The following DSCC1 variants were observed in gnomAD, a reference collection of about 807,000 sequenced individuals.
DSCC1 encodes sister chromatid cohesion protein DCC1.
In DSCC1, 32 loss-of-function variants were observed where a neutral mutation model predicts 48.2. That is an observed-to-expected ratio of 0.66 (90% confidence interval 0.50 to 0.89). The LOEUF is 0.89. DSCC1 is among the 40% of genes least tolerant of loss of function. The probability of loss-of-function intolerance (pLI) is 0.00; values close to 1 mark genes in which losing one functional copy is unlikely to be tolerated. For synonymous variants in DSCC1, 150 were observed against 171.5 expected (o/e 0.87, Z 0.98); for missense variants, 421 against 471.7 (o/e 0.89, Z 1.00).
At chr8:119,847,389 A>T (rs530411141) in intron 3 of DSCC1, among the ~76,000 whole-genome samples, 1 of 152,324 alleles carries the variant, frequency 6.6e-6, no homozygotes, top group South Asian at 2.1e-4. Context: ...GCACTTCAAA[A>T]CACTATCACC....
At chr8:119,840,126 T>C (rs1276294948) in intron 7 of DSCC1, 1 of 152,170 alleles carries the variant, frequency 6.6e-6, no homozygotes, top group African/African-American at 2.4e-5. Flanking sequence ...ACTCCATAAA[T>C]ACCAAGCAAA....
Position 119,855,716 on chromosome 8 carries a change from T to G in DSCC1, c.80A>C (p.His27Pro). 1 of 1,568,500 alleles carries G rather than the reference T, an allele frequency of 6.4e-7. No individual in the cohort carries two copies. The highest frequency in any genetic ancestry group is 1.2e-5 in the South Asian group (1 of 85,820). ...LNAAELLPAV[H>P]CLGFGPGASG... The stretch of plus-strand genomic sequence containing the variant: ...GGCCCCAGGGCCGAAGCCCAGGCAG[T>G]GCACCGCCGGCAGCAGCTCGGCCGC... The change falls in exon 1 of 9, where the codon CAC becomes CCC. Residue 27 changes from histidine to proline, a missense_variant. His to Pro is a moderately conservative substitution (Grantham distance 77). Transcript: ENST00000313655.
rs571129965 is a variant in DSCC1, at chr8:119,842,356, G to T, written c.770-408C>A. On this transcript the variant is annotated intron_variant, in intron 6 of 8. Transcript: ENST00000313655. ...CTCCCAAAGTGCTGGGGTTACAGGCGTGAACCACTGCACTGGCCTTTTTTT... is the reference window on the plus strand; with the variant it reads ...CTCCCAAAGTGCTGGGGTTACAGGCTTGAACCACTGCACTGGCCTTTTTTT... Among the ~76,000 whole-genome samples, 447 of 150,764 alleles carry T rather than the reference G, an allele frequency of 3.0e-3. 2 individuals carry two copies. The highest frequency in any genetic ancestry group is 0.01 in the African/African-American group (422 of 41,124).
intron 5 of DSCC1, among the ~76,000 whole-genome samples, chr8:119,843,325 TGATCCACCTGC>T (rs1826803038): frequency 6.6e-6 from 1 of 151,866 alleles, no homozygotes; most frequent in South Asian, 2.1e-4. Flanking sequence ...CCTGACCTCA[TGATCCACCTGC>T]CTCGGCCTCC....
chr8:119,842,682 A>T, intron 6 of DSCC1, 94 bp downstream of exon 6: 1 of 1,189,094 alleles, frequency 8.4e-7, no homozygotes, highest in Non-Finnish European at 1.2e-6. Flanking sequence ...CACTGCACCC[A>T]GCCAGAGTTC....
At position 119,855,605 on chromosome 8, in the gene DSCC1, A is replaced by C. The variant is rs1351067680; in HGVS notation, c.182+9T>G. On this transcript the variant is annotated intron_variant, in intron 1 of 8. Transcript: ENST00000313655. ...CAGAGGCTGGGGGCGCCGCGTGACC[A>C]GGGCTCACCTGTGTCCATCCTCCAG... 8 of 1,537,244 alleles carry C rather than the reference A, an allele frequency of 5.2e-6. No individual in the cohort carries two copies. Among genetic ancestry groups the C allele is most frequent in the Admixed American group, 2.0e-5 (1 of 49,558 alleles).
At chr8:119,847,117 A>C (rs1485399298) in intron 3 of DSCC1, 37 bp from the exon 4 acceptor site, 1 of 1,568,640 alleles carries the variant, frequency 6.4e-7, no homozygotes, top group East Asian at 2.2e-5. Flanking sequence ...GCCTTTGAAG[A>C]ATATTTTGTT....
intron 2 of DSCC1, among the ~76,000 whole-genome samples, chr8:119,850,928 C>T (rs898620506): frequency 6.6e-6 from 1 of 152,104 alleles, no homozygotes; most frequent in Non-Finnish European, 1.5e-5. Flanking sequence ...CAAATAGGGA[C>T]ATTAAAGGGA....
At chr8:119,843,790 T>C in intron 4 of DSCC1, 43 bp from the exon 5 acceptor site, 5 of 1,588,188 alleles carry the variant, frequency 3.1e-6, no homozygotes, top group Non-Finnish European at 4.3e-6. Context: ...ACTTTTTTTT[T>C]TTTAAGGCAG....
chr8:119,836,238 G>A (rs950098471), intron 8 of DSCC1, among the ~76,000 whole-genome samples: 4 of 152,140 alleles, frequency 2.6e-5, no homozygotes, highest in East Asian at 1.9e-4. Flanking sequence ...CCTTAAACTC[G>A]GGAGGCAAAT....
chr8:119,849,894 G>A (rs1391702882), intron 3 of DSCC1, among the ~76,000 whole-genome samples: 2 of 152,054 alleles, frequency 1.3e-5, no homozygotes, highest in Non-Finnish European at 2.9e-5. Context: ...TTTTAAAACT[G>A]TTTTTTACTT....
intron 2 of DSCC1, among the ~76,000 whole-genome samples, chr8:119,851,472 C>T (rs1421899196): frequency 2.6e-5 from 4 of 152,180 alleles, no homozygotes; most frequent in Admixed American, 2.0e-4. Context: ...TGGCTACGTC[C>T]AATACACAGA....
intron 1 of DSCC1, among the ~76,000 whole-genome samples, chr8:119,854,029 G>T (rs1380608526): frequency 6.6e-6 from 1 of 152,142 alleles, no homozygotes; most frequent in African/African-American, 2.4e-5. Flanking sequence ...GAGAAACATA[G>T]CAAGACCCCA....
intron 8 of DSCC1, 77 bp from the exon 9 acceptor site, chr8:119,835,078 C>T (rs1432619829): frequency 1.1e-6 from 1 of 938,808 alleles, no homozygotes; most frequent in Non-Finnish European, 1.6e-6. Flanking sequence ...TACTTATTTT[C>T]TCTCTCTCCC....
chr8:119,850,573 C>T, intron 2 of DSCC1, 57 bp from the exon 3 acceptor site: 1 of 1,436,922 alleles, frequency 7.0e-7, no homozygotes, highest in Non-Finnish European at 9.3e-7. Context: ...AAATTTCATA[C>T]AAAATTACAA....
At chr8:119,853,346 T>C in intron 1 of DSCC1, 131 bp from the exon 2 acceptor site, 1 of 982,136 alleles carries the variant, frequency 1.0e-6, no homozygotes, top group South Asian at 2.0e-5. Context: ...TGCCCCCTGC[T>C]AGCACAATGC....
intron 3 of DSCC1, among the ~76,000 whole-genome samples, chr8:119,847,661 CTTT>C (rs1355824727): frequency 2.8e-5 from 4 of 141,670 alleles, no homozygotes; most frequent in South Asian, 2.2e-4. Flanking sequence ...ATTTTTTCTT[CTTT>C]TTCTTTTTTT....
intron 7 of DSCC1, chr8:119,840,287 A>T (rs1826747562): frequency 6.6e-6 from 1 of 152,258 alleles, no homozygotes; most frequent in Admixed American, 6.5e-5. Flanking sequence ...GGAGAGTGCC[A>T]TGAAGGAAAG....
At chr8:119,844,511 CTG>C (rs1458579029) in intron 4 of DSCC1, among the ~76,000 whole-genome samples, 2 of 147,308 alleles carry the variant, frequency 1.4e-5, no homozygotes, top group Non-Finnish European at 3.0e-5. Flanking sequence ...TCATTTTAAA[CTG>C]TGTCTTCAGG....
Sources: gnomAD v4.1 joint callset for allele counts (sites outside exome capture counted in the v4.1 genomes callset) on GRCh38, gnomAD v4.1.1 for gene constraint, MANE v1.5 for transcripts, NCBI Gene and HGNC (gene_info 2026-07-23, HGNC 2026-07-21) for gene names.